UBE2R2: variants seen among roughly 807,000 people sequenced by gnomAD.
UBE2R2 encodes ubiquitin conjugating enzyme E2 R2.
UBE2R2 carries 1 observed loss-of-function variant against 27.8 expected under a neutral mutation model. The ratio of observed to expected loss-of-function variants is 0.04; its 90% CI spans 0.01 to 0.17. UBE2R2 has a LOEUF of 0.17. Among genes scored for constraint, UBE2R2 ranks in the 10% least tolerant of loss-of-function variants. UBE2R2 has a pLI of 1.00. For synonymous variants in UBE2R2, 106 were observed against 113.3 expected (o/e 0.94, Z 0.41); for missense variants, 100 against 291.0 (o/e 0.34, Z 4.78).
At position 33,849,213 on chromosome 9, in the gene UBE2R2, C is replaced by T. The variant is rs544058730; in HGVS notation, c.177+31279C>T. Among the ~76,000 whole-genome samples, 275 of 152,098 alleles carry T rather than the reference C, an allele frequency of 1.8e-3. 1 individual carries two copies. Among genetic ancestry groups the T allele is most frequent in the Non-Finnish European group, 3.4e-3 (230 of 68,016 alleles). On this transcript the variant is annotated intron_variant, in intron 1 of 4. Transcript: ENST00000263228. ...CGGAGGTTGCGGTGAGCCGAGATCT[C>T]GCCATTGCACTCCAGCCTGGGCAAC... is the stretch of plus-strand genomic sequence containing the variant.
intron 1 of UBE2R2, among the ~76,000 whole-genome samples, chr9:33,865,467 A>G (rs1821340761): frequency 6.6e-6 from 1 of 152,126 alleles, no homozygotes; most frequent in South Asian, 2.1e-4. Context: ...AAGTGCTGGG[A>G]TTACAGGCGT....
rs567512799 is a variant in UBE2R2 at position 33,919,222 on chromosome 9, G to A, written c.*1985G>A. On this transcript the variant is annotated 3_prime_UTR_variant, in exon 5 of 5. Transcript: ENST00000263228. Reference sequence around the variant, plus strand: ...ACTACCTTTTTACTCCCCATACTTTGTAAGTAATGCTTCCAGATTAACCTG... The same window carrying A: ...ACTACCTTTTTACTCCCCATACTTTATAAGTAATGCTTCCAGATTAACCTG... 6.6e-6 allele frequency: 1 copy of A among 152,152 alleles called. No homozygotes were observed. Among genetic ancestry groups the A allele is most frequent in the Non-Finnish European group, 1.5e-5 (1 of 68,048 alleles). 9.4% of individuals were successfully genotyped at this position (152,152 alleles called of 1,614,324 possible).
intron 3 of UBE2R2, 91 bp downstream of exon 3, chr9:33,900,362 TA>T: frequency 1.1e-6 from 1 of 882,848 alleles, no homozygotes; most frequent in South Asian, 1.6e-5. Context: ...TTTTAACATG[TA>T]AAAAATCATC....
chr9:33,818,504 G>C (rs1479551476), intron 1 of UBE2R2: 1 of 146,686 alleles, frequency 6.8e-6, no homozygotes, highest in Non-Finnish European at 1.5e-5. Flanking sequence ...ATGGGTGGTG[G>C]TGAAGAATGG....
chr9:33,916,199 G>C (rs1045190702), intron 4 of UBE2R2, among the ~76,000 whole-genome samples: 1 of 152,134 alleles, frequency 6.6e-6, no homozygotes, highest in Non-Finnish European at 1.5e-5. Context: ...AATTTAGCCC[G>C]GTGGGGTGGC....
intron 1 of UBE2R2, among the ~76,000 whole-genome samples, chr9:33,854,965 G>A (rs1400649975): frequency 6.6e-6 from 1 of 151,952 alleles, no homozygotes; most frequent in Non-Finnish European, 1.5e-5. Context: ...ACCCACCGTA[G>A]CCTCCCAAAG....
At chr9:33,912,422 C>G (rs766989200) in intron 4 of UBE2R2, among the ~76,000 whole-genome samples, 2 of 151,920 alleles carry the variant, frequency 1.3e-5, no homozygotes, top group South Asian at 4.2e-4. Context: ...GTCAGGAGTT[C>G]GAGACCGGCT....
At position 33,817,946 on chromosome 9, in the gene UBE2R2, C is replaced by T. The variant is rs2130696868; in HGVS notation, c.177+12C>T. ...GCGGCTACTTCAAGGTACCCTCACCCTCCTCCCGGACCCTGCTTCCGCGGC... is the reference window on the plus strand; with the variant it reads ...GCGGCTACTTCAAGGTACCCTCACCTTCCTCCCGGACCCTGCTTCCGCGGC... On this transcript the variant is annotated intron_variant, in intron 1 of 4. Transcript: ENST00000263228. The T allele has an allele frequency of 6.2e-7, 1 of 1,601,956 alleles. No individual in the cohort carries two copies. Among genetic ancestry groups the T allele is most frequent in the Non-Finnish European group, 8.5e-7 (1 of 1,173,980 alleles).
At chr9:33,888,310 A>C (rs1015858105) in intron 2 of UBE2R2, among the ~76,000 whole-genome samples, 3 of 148,398 alleles carry the variant, frequency 2.0e-5, no homozygotes, top group Non-Finnish European at 4.5e-5. Flanking sequence ...AAAAAACAAA[A>C]AAACAAACAA....
intron 2 of UBE2R2, among the ~76,000 whole-genome samples, chr9:33,897,914 T>G (rs1822156363): frequency 6.6e-6 from 1 of 151,554 alleles, no homozygotes; most frequent in South Asian, 2.1e-4. Context: ...TAGCTAGGAT[T>G]ACAGGCATGC....
At chr9:33,831,055 C>T (rs1309932797) in intron 1 of UBE2R2, 1 of 144,668 alleles carries the variant, frequency 6.9e-6, no homozygotes, top group Non-Finnish European at 1.5e-5. Context: ...TCTTCATTCC[C>T]TCTGTTTCAC....
intron 1 of UBE2R2, among the ~76,000 whole-genome samples, chr9:33,850,521 A>G (rs922224768): frequency 6.6e-6 from 1 of 152,022 alleles, no homozygotes; most frequent in Non-Finnish European, 1.5e-5. Flanking sequence ...GCCCTCTGCA[A>G]TACCAAGTTT....
chr9:33,854,095 C>T (rs948664179), intron 1 of UBE2R2, among the ~76,000 whole-genome samples: 23 of 152,002 alleles, frequency 1.5e-4, no homozygotes, highest in African/African-American at 4.8e-4. Flanking sequence ...CTTTTTAACA[C>T]GAGTCACTTA....
intron 1 of UBE2R2, among the ~76,000 whole-genome samples, chr9:33,862,963 C>G (rs10971746): frequency 0.079 from 11,981 of 151,984 alleles, 681 homozygotes; most frequent in Non-Finnish European, 0.12. Context: ...CCTAGGTGGG[C>G]AGATCATGAG....
chr9:33,883,713 CAAA>C (rs1158414910), intron 1 of UBE2R2, among the ~76,000 whole-genome samples: 3 of 75,188 alleles, frequency 4.0e-5, no homozygotes, highest in Non-Finnish European at 5.0e-5. Flanking sequence ...GACTCTGTCT[CAAA>C]AAAAAAAAAA....
At chr9:33,882,127 C>T (rs189001453) in intron 1 of UBE2R2, among the ~76,000 whole-genome samples, 1 of 152,204 alleles carries the variant, frequency 6.6e-6, no homozygotes, top group East Asian at 1.9e-4. Context: ...AGTTTGGCTC[C>T]TATGCTGTTT....
At chr9:33,853,644 A>G (rs1031481852) in intron 1 of UBE2R2, among the ~76,000 whole-genome samples, 12 of 151,810 alleles carry the variant, frequency 7.9e-5, no homozygotes, top group Non-Finnish European at 1.5e-5. Flanking sequence ...CTGCTGATTT[A>G]TTTATCCATC....
At chr9:33,907,743 G>A (rs528891916) in intron 3 of UBE2R2, among the ~76,000 whole-genome samples, 14 of 152,138 alleles carry the variant, frequency 9.2e-5, no homozygotes, top group African/African-American at 3.1e-4. Context: ...AGAAAATACA[G>A]TAAATGAATA....
chr9:33,906,945 C>G (rs1226764490), intron 3 of UBE2R2, among the ~76,000 whole-genome samples: 2 of 152,138 alleles, frequency 1.3e-5, no homozygotes, highest in Non-Finnish European at 2.9e-5. Flanking sequence ...GTGCAAAGAT[C>G]ACTTGAGCCC....
Sources: allele counts gnomAD v4.1 joint callset (sites outside exome capture counted in the v4.1 genomes callset), GRCh38; gene constraint gnomAD v4.1.1; transcripts MANE v1.5; gene names NCBI Gene and HGNC (gene_info 2026-07-23, HGNC 2026-07-21).